AK9: variants seen among roughly 807,000 people sequenced by gnomAD.
AK9 encodes adenylate kinase domain containing 1.
In AK9, 191 loss-of-function variants were observed where a neutral mutation model predicts 239.6. That is an observed-to-expected ratio of 0.80 (90% CI 0.71 to 0.90). The LOEUF (loss-of-function observed/expected upper bound fraction) is 0.90. Among genes scored for constraint, AK9 ranks in the 40% least tolerant of loss-of-function variants. The pLI is 0.00. For missense variants in AK9, 1,995 were observed against 2,214.7 expected (o/e 0.90, Z 1.99); for synonymous variants, 689 against 721.0 (o/e 0.96, Z 0.71).
intron 1 of AK9, among the ~76,000 whole-genome samples, chr6:109,681,177 T>C (rs1772568776): frequency 6.6e-6 from 1 of 152,100 alleles, no homozygotes; most frequent in East Asian, 1.9e-4. Flanking sequence ...TCAAGACCCA[T>C]CAGTGTGCTA....
At chr6:109,565,428 C>T (rs1308755841) in intron 21 of AK9, among the ~76,000 whole-genome samples, 4 of 151,998 alleles carry the variant, frequency 2.6e-5, no homozygotes, top group East Asian at 3.9e-4. Context: ...GAGCTATGAT[C>T]GTGCCACTGC....
intron 5 of AK9, among the ~76,000 whole-genome samples, chr6:109,664,114 A>G (rs1422993823): frequency 6.6e-6 from 1 of 152,214 alleles, no homozygotes; most frequent in Non-Finnish European, 1.5e-5. Flanking sequence ...ATTTATGTTA[A>G]CAAGTCATGG....
chr6:109,650,875 C>T (rs1477883444), intron 8 of AK9, among the ~76,000 whole-genome samples: 2 of 152,118 alleles, frequency 1.3e-5, no homozygotes, highest in Non-Finnish European at 1.5e-5. Context: ...ATGTGGCACA[C>T]ATACACCATG....
chr6:109,604,909 CTT>C (rs1277736624), intron 17 of AK9, among the ~76,000 whole-genome samples: 1 of 151,982 alleles, frequency 6.6e-6, no homozygotes, highest in African/African-American at 2.4e-5. Context: ...TTATTTCAAA[CTT>C]AGTTACATTA....
At chr6:109,647,134 A>T (rs1798172775) in intron 8 of AK9, among the ~76,000 whole-genome samples, 1 of 152,266 alleles carries the variant, frequency 6.6e-6, no homozygotes, top group Non-Finnish European at 1.5e-5. Context: ...CTGAAAAAAC[A>T]TGCCAAGTTG....
chr6:109,643,865 C>T (rs76782312), intron 9 of AK9, among the ~76,000 whole-genome samples: 2,236 of 152,250 alleles, frequency 0.015, 59 homozygotes, highest in African/African-American at 0.051. Flanking sequence ...TCCCTCACCT[C>T]CCCTTGTCTT....
In AK9 at chr6:109,514,285, A is replaced by C; in HGVS notation, c.4218T>G (p.Pro1406=). The stretch of plus-strand genomic sequence containing the variant: ...TAATCCTAATGGGCACAGTAGGCTT[A>C]GGTTTGGGTTGGCGGATATATTTGA... The part of the protein sequence containing the change: ...NPIKYIRQPK[P]KPTVPIRIII... Residue 1406 remains proline (P), a synonymous_variant, in exon 32 of 41, where the codon CCT becomes CCG. Transcript: ENST00000424296. 6.4e-7 allele frequency: 1 copy of C among 1,551,916 alleles called. No homozygotes were observed. The highest frequency in any genetic ancestry group is 8.7e-7 in the Non-Finnish European group (1 of 1,146,984).
Position 109,516,581 on chromosome 6 carries a change from A to G in AK9, c.3695T>C (p.Ile1232Thr). ...EEELEEDNDD[I>T]ENILEDEFPK... ...AAACTCATCTTCAAGGATGTTTTCAATATCATCATTGTCTTCTTCAAGTTC... is the reference window on the plus strand; with the variant it reads ...AAACTCATCTTCAAGGATGTTTTCAGTATCATCATTGTCTTCTTCAAGTTC... Residue 1232 changes from isoleucine to threonine, a missense_variant, in exon 30 of 41, where the codon ATT becomes ACT. By Grantham distance (89) the Ile-to-Thr change is moderately conservative. Around this residue, in one of 5 missense-constraint regions of AK9, gnomAD observed 1,290 missense variants for 1,392.7 expected, o/e 0.93. Transcript: ENST00000424296. 3 of 1,551,062 alleles carry G rather than the reference A, an allele frequency of 1.9e-6. No homozygotes were observed. Among genetic ancestry groups the G allele is most frequent in the South Asian group, 2.4e-5 (2 of 84,056 alleles).
At chr6:109,683,542 T>G (rs1772998345) in intron 1 of AK9, among the ~76,000 whole-genome samples, 1 of 152,176 alleles carries the variant, frequency 6.6e-6, no homozygotes, top group African/African-American at 2.4e-5. Context: ...ATAAGCAACT[T>G]CAGCAAAGTC....
At chr6:109,657,256 T>C (rs1799814762) in intron 7 of AK9, among the ~76,000 whole-genome samples, 1 of 152,130 alleles carries the variant, frequency 6.6e-6, no homozygotes, top group South Asian at 2.1e-4. Context: ...CAGGCACTGT[T>C]CTAAGGATTT....
At chr6:109,512,089 ACAGGAAGAGACAGAAGGTCAG>A (rs1778811988) in intron 32 of AK9, among the ~76,000 whole-genome samples, 1 of 152,186 alleles carries the variant, frequency 6.6e-6, no homozygotes, top group Non-Finnish European at 1.5e-5. Flanking sequence ...ATTCTAAGTC[ACAGGAAGAGACAGAAGGTCAG>A]CACAAGATAC....
chr6:109,554,525 C>CTTTTTT (rs3060760), intron 24 of AK9, among the ~76,000 whole-genome samples: 21 of 77,432 alleles, frequency 2.7e-4, no homozygotes, highest in Non-Finnish European at 3.8e-4. Context: ...TATTTCTTTT[C>CTTTTTT]TTTTTTTTTT....
In AK9 at chr6:109,546,064, G is replaced by T. The variant is rs755824149; in HGVS notation, c.3028C>A (p.Gln1010Lys). The change falls in exon 26 of 41, where the codon CAG becomes AAG. Residue 1010 changes from glutamine to lysine, a missense_variant. Around this residue, in one of 5 missense-constraint regions of AK9, gnomAD observed 1,290 missense variants for 1,392.7 expected, o/e 0.93. Coordinates refer to ENST00000424296, the MANE Select transcript of AK9 (RefSeq NM_001145128.3). ...AAAATGTTTAATTTTTCTGCCAACTGTCTTCCACACATAGTTTTGCCAGAG... is the reference window on the plus strand; with the variant it reads ...AAAATGTTTAATTTTTCTGCCAACTTTCTTCCACACATAGTTTTGCCAGAG... ...QGSGKTMCGRQLAEKLNIFHI... is the reference protein window; with the variant it reads ...QGSGKTMCGRKLAEKLNIFHI... 6.5e-7 allele frequency: 1 copy of T among 1,534,342 alleles called. No homozygotes were observed. The highest frequency in any genetic ancestry group is 2.6e-5 in the East Asian group (1 of 38,858).
intron 12 of AK9, among the ~76,000 whole-genome samples, chr6:109,621,893 T>TAAAAAAAAAAAAAAAA (rs59405869): frequency 1.8e-5 from 1 of 55,528 alleles, no homozygotes; most frequent in African/African-American, 9.3e-5. Context: ...AAAGTATAAT[T>TAAAAAAAAAAAAAAAA]AAAAAAAAAA....
chr6:109,523,034 G>A (rs1780033106), intron 29 of AK9, among the ~76,000 whole-genome samples: 1 of 151,964 alleles, frequency 6.6e-6, no homozygotes, highest in African/African-American at 2.4e-5. Flanking sequence ...GTGAAGGGCT[G>A]GTAGAGGTGA....
In AK9 at chr6:109,499,030, A is replaced by C. The variant is rs1777343522; in HGVS notation, c.5046+14T>G. ...CTTTCTTTAGTAAATATTTGGAGTT[A>C]GGAACAAACTTACATTCAGTTTTTC... On this transcript the variant is annotated intron_variant, in intron 36 of 40. Coordinates refer to ENST00000424296, the MANE Select transcript of AK9 (RefSeq NM_001145128.3). 2 of 1,493,602 alleles carry C rather than the reference A, an allele frequency of 1.3e-6. No homozygotes were observed. The highest frequency in any genetic ancestry group is 5.0e-5 in the East Asian group (2 of 40,174). 92.5% of individuals were successfully genotyped at this position (1,493,602 alleles called of 1,614,324 possible).
chr6:109,611,899 T>C (rs909440744), intron 16 of AK9, 111 bp downstream of exon 16: 2 of 763,566 alleles, frequency 2.6e-6, no homozygotes, highest in African/African-American at 1.8e-5. Flanking sequence ...TTAATCATGC[T>C]TTTATTTTTT....
intron 28 of AK9, among the ~76,000 whole-genome samples, chr6:109,529,521 G>A (rs192077744): frequency 6.6e-6 from 1 of 152,142 alleles, no homozygotes; most frequent in African/African-American, 2.4e-5. Flanking sequence ...CGAAGATGGG[G>A]ATTGTTTTGG....
intron 27 of AK9, among the ~76,000 whole-genome samples, chr6:109,538,136 C>G (rs1782290815): frequency 6.6e-6 from 1 of 152,160 alleles, no homozygotes; most frequent in South Asian, 2.1e-4. Flanking sequence ...TGGTGTAGAG[C>G]TGAGTTCAAT....
Sources: gnomAD v4.1 joint callset for allele counts (sites outside exome capture counted in the v4.1 genomes callset) on GRCh38, gnomAD v4.1.1 for gene constraint, gnomAD v4.1.1 regional missense constraint, MANE v1.5 for transcripts, NCBI Gene and HGNC (gene_info 2026-07-23, HGNC 2026-07-21) for gene names.